DUSP19: variants seen among roughly 807,000 people sequenced by gnomAD.
DUSP19 encodes the protein dual specificity phosphatase 19.
Under a neutral mutation model 16.6 loss-of-function variants are expected in DUSP19, and 14 were observed. The observed-to-expected ratio is 0.84, with a 90% CI of 0.56 to 1.32. The LOEUF is 1.32. Among genes scored for constraint, DUSP19 ranks in the 40% most tolerant of loss-of-function variants. The pLI, the probability that DUSP19 is intolerant of heterozygous loss-of-function variation, is 0.00. For synonymous variants in DUSP19, 81 were observed against 90.5 expected, an observed-to-expected ratio of 0.90 and a Z score of 0.59; for missense variants, 258 against 255.9, an observed-to-expected ratio of 1.01 and a Z score of -0.06.
In DUSP19 at chr2:183,088,508, C is replaced by T. The variant is rs142599413; in HGVS notation, c.426+1316C>T. Among the ~76,000 whole-genome samples the T allele has an allele frequency of 1.3e-3, 201 of 149,502 alleles. 1 individual carries two copies. Among genetic ancestry groups the T allele is most frequent in the African/African-American group, 4.4e-3 (179 of 40,612 alleles). ...GTAACCTCCGGCTCACTGCAACCTCCGCCTCTCGGGTTCAAGTGATTCTCC... is the reference window on the plus strand; with the variant it reads ...GTAACCTCCGGCTCACTGCAACCTCTGCCTCTCGGGTTCAAGTGATTCTCC... On this transcript the variant is annotated intron_variant, in intron 3 of 3. Coordinates refer to ENST00000354221, the MANE Select transcript of DUSP19 (RefSeq NM_080876.4).
chr2:183,079,551 A>G (rs1699566003), intron 1 of DUSP19, among the ~76,000 whole-genome samples: 1 of 152,236 alleles, frequency 6.6e-6, no homozygotes, highest in Non-Finnish European at 1.5e-5. Flanking sequence ...TTAAAGTTAT[A>G]GAAAAGTTAA....
chr2:183,081,365 C>T (rs1230365438), intron 1 of DUSP19, among the ~76,000 whole-genome samples: 2 of 152,168 alleles, frequency 1.3e-5, no homozygotes, highest in African/African-American at 2.4e-5. Context: ...CCCACCTCAG[C>T]CTCTGAATAG....
chr2:183,091,672 A>G (rs55942934), intron 3 of DUSP19, among the ~76,000 whole-genome samples: 18,919 of 152,246 alleles, frequency 0.12, 2,055 homozygotes, highest in African/African-American at 0.29. Flanking sequence ...TTATACTTCT[A>G]TGCAAACGAA....
At chr2:183,082,393 T>C (rs1559127038) in intron 1 of DUSP19, among the ~76,000 whole-genome samples, 1 of 151,000 alleles carries the variant, frequency 6.6e-6, no homozygotes, top group Non-Finnish European at 1.5e-5. Context: ...CCTGCTTTTA[T>C]AACCAGATAC....
At chr2:183,089,371 C>T (rs549689419) in intron 3 of DUSP19, among the ~76,000 whole-genome samples, 1 of 152,296 alleles carries the variant, frequency 6.6e-6, no homozygotes, top group African/African-American at 2.4e-5. Context: ...ATTTATCTGC[C>T]TGGCTTCCTG....
intron 2 of DUSP19, 28 bp downstream of exon 2, chr2:183,083,582 A>G: frequency 6.4e-7 from 1 of 1,573,364 alleles, no homozygotes; most frequent in South Asian, 1.2e-5. Flanking sequence ...GTCTGGCACC[A>G]TATACACAGA....
chr2:183,091,123 T>C (rs1244226251), intron 3 of DUSP19, among the ~76,000 whole-genome samples: 1 of 152,192 alleles, frequency 6.6e-6, no homozygotes, highest in Non-Finnish European at 1.5e-5. Context: ...GGTGATTCTA[T>C]AATTTATCTT....
chr2:183,092,594 T>C (rs1699746200), intron 3 of DUSP19, among the ~76,000 whole-genome samples: 1 of 152,168 alleles, frequency 6.6e-6, no homozygotes, highest in South Asian at 2.1e-4. Flanking sequence ...GGCTGCATAG[T>C]ATTCCATGGG....
At chr2:183,087,574 A>C (rs1699678007) in intron 3 of DUSP19, among the ~76,000 whole-genome samples, 1 of 152,216 alleles carries the variant, frequency 6.6e-6, no homozygotes, top group Non-Finnish European at 1.5e-5. Flanking sequence ...CTGATCAGAA[A>C]CTGTCTGTTG....
chr2:183,082,871 CTCTTG>C (rs1184243325), intron 1 of DUSP19, among the ~76,000 whole-genome samples: 399 of 109,272 alleles, frequency 3.7e-3, no homozygotes, highest in Middle Eastern at 6.4e-3. Flanking sequence ...CCTCTCTCTT[CTCTTG>C]TCTTGTCTTG....
intron 2 of DUSP19, among the ~76,000 whole-genome samples, chr2:183,084,395 C>G (rs149782955): frequency 1.3e-5 from 2 of 151,578 alleles, no homozygotes; most frequent in East Asian, 3.9e-4. Flanking sequence ...CTACTGTACT[C>G]CAGACTGGGC....
At chr2:183,082,987 G>A (rs565389749) in intron 1 of DUSP19, among the ~76,000 whole-genome samples, 9 of 151,554 alleles carry the variant, frequency 5.9e-5, no homozygotes, top group Non-Finnish European at 1.2e-4. Context: ...CTGTAACCCC[G>A]AATTCCTAGG....
chr2:183,083,619 A>G, intron 2 of DUSP19, 65 bp downstream of exon 2: 1 of 1,396,586 alleles, frequency 7.2e-7, no homozygotes, highest in South Asian at 1.3e-5. Flanking sequence ...ATTTAGGAAA[A>G]ACTGTATTGG....
At chr2:183,083,166 A>C (rs1296810288) in intron 1 of DUSP19, among the ~76,000 whole-genome samples, 1 of 152,158 alleles carries the variant, frequency 6.6e-6, no homozygotes, top group Non-Finnish European at 1.5e-5. Context: ...GTATTTCACT[A>C]CACAATTATA....
intron 2 of DUSP19, among the ~76,000 whole-genome samples, chr2:183,084,217 G>C (rs908853842): frequency 4.6e-5 from 7 of 152,028 alleles, no homozygotes; most frequent in African/African-American, 1.7e-4. Context: ...TTTGTTTTTG[G>C]GGGGATAAGT....
At position 183,079,130 on chromosome 2, in the gene DUSP19, T is replaced by A; in HGVS notation, c.197T>A (p.Val66Asp). ...YVQDLSSDLQ[V>D]GVIKPWLLLG... ...CAGGACCTTAGCTCGGACCTGCAAG[T>A]TGGCGTTATTAAGCCATGGTTGCTC... The change falls in exon 1 of 4, where the codon GTT (valine) becomes GAT (aspartate). Residue 66 changes from valine to aspartate, a missense_variant. Transcript: ENST00000354221. 1 of 1,613,996 alleles carries A rather than the reference T, an allele frequency of 6.2e-7. No individual in the cohort carries two copies. The highest frequency in any genetic ancestry group is 8.5e-7 in the Non-Finnish European group (1 of 1,179,948).
In DUSP19 at chr2:183,099,526, T is replaced by C. The variant is rs1699847720; in HGVS notation, c.*3868T>C. ...ATAACTTATAGTTAGACTTTTCTATTTCAAGTAAAGCTTTGAGTTACTTGT... is the reference window on the plus strand; with the variant it reads ...ATAACTTATAGTTAGACTTTTCTATCTCAAGTAAAGCTTTGAGTTACTTGT... On this transcript the variant is annotated 3_prime_UTR_variant, in exon 4 of 4. Coordinates refer to ENST00000354221, the MANE Select transcript of DUSP19 (RefSeq NM_080876.4). 1.3e-5 allele frequency: 2 copies of C among 152,246 alleles called. No individual in the cohort carries two copies. Among genetic ancestry groups the C allele is most frequent in the Non-Finnish European group, 2.9e-5 (2 of 68,044 alleles). 9.4% of individuals were successfully genotyped at this position (152,246 alleles called of 1,614,324 possible).
chr2:183,085,566 G>A (rs1295129235), intron 2 of DUSP19, among the ~76,000 whole-genome samples: 3 of 151,262 alleles, frequency 2.0e-5, no homozygotes. Flanking sequence ...AGATTGAGAA[G>A]TGAGGAAGTG....
chr2:183,083,590 AG>A, intron 2 of DUSP19, 36 bp downstream of exon 2: 1 of 1,552,886 alleles, frequency 6.4e-7, no homozygotes, highest in Non-Finnish European at 8.8e-7. Flanking sequence ...CCATATACAC[AG>A]AATATTTTAA....
Sources: allele counts gnomAD v4.1 joint callset (sites outside exome capture counted in the v4.1 genomes callset), GRCh38; gene constraint gnomAD v4.1.1; transcripts MANE v1.5; gene names NCBI Gene and HGNC (gene_info 2026-07-23, HGNC 2026-07-21).